MAF: variants seen among roughly 807,000 people sequenced by gnomAD.
The protein encoded by MAF is MAF bZIP transcription factor, also known as transcription factor Maf.
MAF carries 10 observed loss-of-function variants against 22.0 expected under a neutral mutation model. The observed-to-expected ratio is 0.45, with a 90% CI of 0.28 to 0.77. The LOEUF (loss-of-function observed/expected upper bound fraction) is 0.77, where lower values mean the gene tolerates loss of function less well. MAF is among the 30% of genes least tolerant of loss of function. MAF has a pLI of 0.12. For synonymous variants in MAF, 337 were observed against 255.8 expected, an observed-to-expected ratio of 1.32 and a Z score of -3.03; for missense variants, 544 against 548.4, an observed-to-expected ratio of 0.99 and a Z score of 0.08.
the MAF span, among the ~76,000 whole-genome samples, chr16:79,569,925 G>C: frequency 0.022 from 3,279 of 152,046 alleles, 57 homozygotes; most frequent in Middle Eastern, 0.062. Context: ...CTGGAATCCG[G>C]GAGGGATGCA....
chr16:79,594,639 A>AT (rs66467731), intron 1 of MAF, 86 bp from the exon 2 acceptor site: 3,695 of 1,297,288 alleles, frequency 2.8e-3, no homozygotes, highest in East Asian at 0.015. Context: ...TCCTCATATG[A>AT]TTTTTTTTTT....
At chr16:79,299,361 AAG>A in the MAF span, among the ~76,000 whole-genome samples, 9 of 149,580 alleles carry the variant, frequency 6.0e-5, no homozygotes, top group African/African-American at 2.0e-4. Flanking sequence ...AAAAAAAAAA[AAG>A]AAAAAAAACA....
the MAF span, among the ~76,000 whole-genome samples, chr16:79,239,345 T>C: frequency 2.6e-5 from 4 of 151,992 alleles, no homozygotes; most frequent in Non-Finnish European, 5.9e-5. Context: ...TCCTGGGCCG[T>C]GGGACAGTCC....
chr16:79,583,423 C>T (rs1251609451), downstream of MAF, among the ~76,000 whole-genome samples: 1 of 152,130 alleles, frequency 6.6e-6, no homozygotes, highest in Non-Finnish European at 1.5e-5. Context: ...CCAGTTCCAT[C>T]AGTTTCTCCC....
rs1913903784 is a variant in MAF, at chr16:79,599,921, GCC to G, written c.-21_-20del. 6.3e-7 allele frequency: 1 copy of G among 1,593,520 alleles called. No homozygotes were observed. Among genetic ancestry groups the G allele is most frequent in the Admixed American group, 1.7e-5 (1 of 59,710 alleles). ...ATGCCATTCTCCTGCCGCCGCCGCC[GCC>G]GCCGCCGCCGCTCCGCCAGATGGGC... is the stretch of plus-strand genomic sequence containing the variant. On this transcript the variant is annotated 5_prime_UTR_variant, in exon 1 of 2. Coordinates refer to ENST00000326043, the MANE Select transcript of MAF (RefSeq NM_005360.5).
chr16:79,477,747 T>C, the MAF span, among the ~76,000 whole-genome samples: 407 of 152,232 alleles, frequency 2.7e-3, 3 homozygotes, highest in African/African-American at 9.2e-3. Flanking sequence ...TTTTTTGATA[T>C]GGAGTCTCGC....
downstream of MAF, among the ~76,000 whole-genome samples, chr16:79,585,173 G>A (rs559739688): frequency 2.0e-4 from 30 of 152,300 alleles, no homozygotes; most frequent in African/African-American, 7.0e-4. Flanking sequence ...TCCAAATGAA[G>A]AGGGTTCATA....
chr16:79,462,551 A>C, the MAF span, among the ~76,000 whole-genome samples: 4 of 152,202 alleles, frequency 2.6e-5, no homozygotes, highest in African/African-American at 9.6e-5. Flanking sequence ...TCACACACAT[A>C]TATGCACATA....
the MAF span, among the ~76,000 whole-genome samples, chr16:79,531,762 C>T: frequency 6.6e-6 from 1 of 152,278 alleles, no homozygotes; most frequent in Admixed American, 6.5e-5. Flanking sequence ...TTCACCCACG[C>T]ACTCATCACT....
the MAF span, among the ~76,000 whole-genome samples, chr16:79,571,530 A>ATTTTTTTT: frequency 8.7e-5 from 9 of 103,878 alleles, no homozygotes; most frequent in African/African-American, 3.3e-4. Flanking sequence ...TCTCAGCGGA[A>ATTTTTTTT]TTTTTTTTTT....
At chr16:79,485,516 A>G in the MAF span, among the ~76,000 whole-genome samples, 16 of 152,230 alleles carry the variant, frequency 1.1e-4, no homozygotes, top group Admixed American at 1.0e-3. Context: ...CTCTGAGCCC[A>G]GCACATAACA....
At chr16:79,397,655 G>A in the MAF span, among the ~76,000 whole-genome samples, 1 of 152,198 alleles carries the variant, frequency 6.6e-6, no homozygotes, top group African/African-American at 2.4e-5. Flanking sequence ...TCCAGGGCTT[G>A]CTAGTTCCCT....
the MAF span, among the ~76,000 whole-genome samples, chr16:79,283,882 C>G: frequency 6.6e-6 from 1 of 151,492 alleles, no homozygotes; most frequent in Non-Finnish European, 1.5e-5. Context: ...GCCAGTGTCT[C>G]CTGCACGGGG....
the MAF span, among the ~76,000 whole-genome samples, chr16:79,322,248 G>T: frequency 1.3e-5 from 2 of 151,912 alleles, no homozygotes; most frequent in African/African-American, 4.8e-5. Flanking sequence ...AAATAATAAG[G>T]AAAAAGGGTA....
At chr16:79,525,704 AT>A in the MAF span, among the ~76,000 whole-genome samples, 12 of 152,098 alleles carry the variant, frequency 7.9e-5, no homozygotes, top group African/African-American at 2.9e-4. Flanking sequence ...GCCTGCTAAG[AT>A]TTTTTTTCTA....
chr16:79,596,452 C>T, intron 1 of MAF: 1 of 1,054,092 alleles, frequency 9.5e-7, no homozygotes. Context: ...CCCAGTTAAA[C>T]TGTACACTAA....
At chr16:79,264,522 C>T in the MAF span, 1 of 152,244 alleles carries the variant, frequency 6.6e-6, no homozygotes, top group Non-Finnish European at 1.5e-5. Flanking sequence ...AGGGTCAGGC[C>T]TGGTTAGTAC....
chr16:79,600,411 G>T lies in MAF; in HGVS notation c.-509C>A. On this transcript the variant is annotated 5_prime_UTR_variant, in exon 1 of 2. Coordinates refer to ENST00000326043, the MANE Select transcript of MAF (RefSeq NM_005360.5). Reference sequence around the variant, plus strand: ...AGGCGCGGCGGGCGTCTGTCCGGGCGGCGCGGGCCTTGGCACGGGGGAGTT... The same window carrying T: ...AGGCGCGGCGGGCGTCTGTCCGGGCTGCGCGGGCCTTGGCACGGGGGAGTT... 1 of 197,136 alleles carries T rather than the reference G, an allele frequency of 5.1e-6. No homozygotes were observed. Among genetic ancestry groups the T allele is most frequent in the South Asian group, 1.9e-4 (1 of 5,156 alleles). 12.2% of individuals were successfully genotyped at this position (197,136 alleles called of 1,614,324 possible).
the MAF span, among the ~76,000 whole-genome samples, chr16:79,555,873 G>T: frequency 1.3e-5 from 2 of 152,126 alleles, no homozygotes; most frequent in Admixed American, 1.3e-4. Flanking sequence ...TTTGGGATAG[G>T]GATATAAACC....
Sources: gnomAD v4.1 joint callset for allele counts (sites outside exome capture counted in the v4.1 genomes callset) on GRCh38, gnomAD v4.1.1 for gene constraint, MANE v1.5 for transcripts, NCBI Gene and HGNC (gene_info 2026-07-23, HGNC 2026-07-21) for gene names.